The following TMEM176A variants were observed in gnomAD, a reference collection of about 807,000 sequenced individuals.
TMEM176A encodes the protein hepatocellular carcinoma-associated antigen 112.
TMEM176A carries 20 observed loss-of-function variants against 27.9 expected under a neutral mutation model. The ratio of observed to expected loss-of-function variants is 0.72; its 90% CI spans 0.50 to 1.04. The LOEUF is 1.04. Ranked by LOEUF, TMEM176A falls within the 50% of genes least tolerant of loss-of-function variation. The probability of loss-of-function intolerance (pLI) is 0.00; values close to 1 mark genes in which losing one functional copy is unlikely to be tolerated. For missense variants in TMEM176A, 252 were observed against 289.1 expected, an observed-to-expected ratio of 0.87 and a Z score of 0.93; for synonymous variants, 125 against 118.0, an observed-to-expected ratio of 1.06 and a Z score of -0.38.
At chr7:150,802,649 C>T (rs1798837780) in intron 3 of TMEM176A, 8 of 1,009,534 alleles carry the variant, frequency 7.9e-6, no homozygotes, top group South Asian at 3.2e-5. Context: ...GAAGGCAGAG[C>T]GTTCCAGATA....
In TMEM176A at chr7:150,801,659, T is replaced by G. The variant is rs1439420892; in HGVS notation, c.109T>G (p.Cys37Gly). The G allele has an allele frequency of 2.5e-6, 4 of 1,612,006 alleles. No individual in the cohort carries two copies. ...CCTGGCCAAGCTCCTGCTCACCTGC[T>G]GCTCTGCGCTGCGGCCCCGGGCCAC... ...SALAKLLLTC[C>G]SALRPRATQA... The change falls in exon 2 of 7, where the codon TGC becomes GGC. Residue 37 changes from cysteine to glycine, a missense_variant. Cys to Gly is a radical substitution (Grantham distance 159). Coordinates refer to ENST00000004103, the MANE Select transcript of TMEM176A (RefSeq NM_018487.3).
Position 150,801,732 on chromosome 7 carries a change from T to C in TMEM176A, c.174+8T>C. The C allele has an allele frequency of 1.3e-6, 2 of 1,507,558 alleles. No homozygotes were observed. Among genetic ancestry groups the C allele is most frequent in the African/African-American group, 1.4e-5 (1 of 70,994 alleles). 93.4% of individuals were successfully genotyped at this position (1,507,558 alleles called of 1,614,324 possible). ...CTGCTGGTGGCCTCGTGGGTGAGTG[T>C]GACGGCCTGCCTCGTCGGGCGGCGG... is the stretch of plus-strand genomic sequence containing the variant. On this transcript the variant is annotated splice_region_variant and intron_variant, in intron 2 of 6. Coordinates refer to ENST00000004103, the MANE Select transcript of TMEM176A (RefSeq NM_018487.3).
chr7:150,802,717 C>T (rs150468079), intron 3 of TMEM176A: 36 of 1,040,754 alleles, frequency 3.5e-5, no homozygotes, highest in Non-Finnish European at 3.9e-5. Context: ...CTCCACAGGC[C>T]CTGTACACAA....
chr7:150,801,472 A>G (rs997807637), intron 1 of TMEM176A, 64 bp from the exon 2 acceptor site: 1 of 1,516,820 alleles, frequency 6.6e-7, no homozygotes, highest in Admixed American at 2.1e-5. Context: ...GACCTCCCCA[A>G]CTCCAATGAA....
chr7:150,801,886 G>C (rs933077998), intron 2 of TMEM176A, 162 bp downstream of exon 2: 3 of 773,844 alleles, frequency 3.9e-6, no homozygotes, highest in Non-Finnish European at 6.0e-6. Context: ...GCCTGGGGAG[G>C]GGAGGCTCTG....
rs566475190 is a variant in TMEM176A at position 150,802,605 on chromosome 7, C to T, written c.285+280C>T. ...TTAATGTCAACTAAGGATCTAAGGA[C>T]CTGCTCATCTCCAGATACTTGCATT... On this transcript the variant is annotated intron_variant, in intron 3 of 6. Transcript: ENST00000004103. 42 of 863,504 alleles carry T rather than the reference C, an allele frequency of 4.9e-5. No homozygotes were observed. The African/African-American group carries it at 6.5e-4, about 13-fold the overall frequency. 53.5% of individuals were successfully genotyped at this position (863,504 alleles called of 1,614,324 possible).
chr7:150,801,989 G>A (rs1798809951), intron 2 of TMEM176A: 1 of 613,934 alleles, frequency 1.6e-6, no homozygotes, highest in African/African-American at 1.9e-5. Flanking sequence ...ACTCAGGATG[G>A]GCCGGCTCTC....
rs748644116 is a variant in TMEM176A at position 150,804,475 on chromosome 7, G to T, written c.666+3G>T. On this transcript the variant is annotated splice_donor_region_variant and intron_variant, in intron 6 of 6. Transcript: ENST00000004103. The stretch of plus-strand genomic sequence containing the variant: ...GGAGAATGTTCCCAACCAAAGGGGT[G>T]AGTCCCTAAGGTGTGTGCCTGTGTA... 28 of 1,609,602 alleles carry T rather than the reference G, an allele frequency of 1.7e-5. No homozygotes were observed. The highest frequency in any genetic ancestry group is 3.3e-5 in the Admixed American group (2 of 60,004).
In TMEM176A at chr7:150,801,335, G is replaced by A. The variant is rs1316344901; in HGVS notation, c.-15-201G>A. 1.6e-5 allele frequency: 8 copies of A among 491,232 alleles called. No individual in the cohort carries two copies. In the South Asian group the frequency reaches 3.3e-4, roughly 20 times the overall value. 30.4% of individuals were successfully genotyped at this position (491,232 alleles called of 1,614,324 possible). On this transcript the variant is annotated intron_variant, in intron 1 of 6. Coordinates refer to ENST00000004103, the MANE Select transcript of TMEM176A (RefSeq NM_018487.3). ...AGGGGAGGTTCCCGCAGGCTCTGTA[G>A]TCGCCGCAGTTCCAGCATGGTCAGC...
In TMEM176A at chr7:150,803,586, C is replaced by T. The variant is rs765841963; in HGVS notation, c.343-34C>T. The stretch of plus-strand genomic sequence containing the variant: ...GACTGGACTCTGAGAGAGACTGAAA[C>T]ACAAAGATTTCTCTCTGCCTCCTCC... On this transcript the variant is annotated intron_variant, in intron 4 of 6. Transcript: ENST00000004103. The T allele has an allele frequency of 1.9e-6, 3 of 1,610,170 alleles. No homozygotes were observed. In the South Asian group the frequency reaches 3.3e-5, roughly 18 times the overall value.
At chr7:150,801,249 T>TC (rs1157094944) in intron 1 of TMEM176A, 1 of 286,648 alleles carries the variant, frequency 3.5e-6, no homozygotes, top group Non-Finnish European at 6.4e-6. Flanking sequence ...GGGGCGCTGC[T>TC]TGACCCAGAC....
Position 150,803,837 on chromosome 7 carries a change from G to A in TMEM176A, c.555+5G>A, listed in dbSNP as rs750049143. 1.2e-6 allele frequency: 2 copies of A among 1,613,388 alleles called. No homozygotes were observed. Among genetic ancestry groups the A allele is most frequent in the East Asian group, 4.5e-5 (2 of 44,880 alleles). On this transcript the variant is annotated splice_donor_5th_base_variant and intron_variant, in intron 5 of 6. Coordinates refer to ENST00000004103, the MANE Select transcript of TMEM176A (RefSeq NM_018487.3). ...TCCTTCATGGACATGCTGAAGGTAGGTGGCCAAGGGGAAGGGGCAGCAGCA... is the reference window on the plus strand; with the variant it reads ...TCCTTCATGGACATGCTGAAGGTAGATGGCCAAGGGGAAGGGGCAGCAGCA...
chr7:150,803,570 C>G (rs1563051411), intron 4 of TMEM176A, 50 bp from the exon 5 acceptor site: 2 of 1,606,196 alleles, frequency 1.2e-6, no homozygotes, highest in Non-Finnish European at 1.7e-6. Flanking sequence ...CGACTGGACT[C>G]TGAGAGAGAC....
intron 2 of TMEM176A, 113 bp downstream of exon 2, chr7:150,801,837 C>G (rs1798804944): frequency 1.9e-6 from 2 of 1,078,118 alleles, no homozygotes; most frequent in Non-Finnish European, 2.6e-6. Context: ...GTTATGTCTT[C>G]TTACTTAGCG....
Position 150,803,388 on chromosome 7 carries a change from A to G in TMEM176A, c.286-12A>G, listed in dbSNP as rs770843113. On this transcript the variant is annotated splice_polypyrimidine_tract_variant and intron_variant, in intron 3 of 6. Coordinates refer to ENST00000004103, the MANE Select transcript of TMEM176A (RefSeq NM_018487.3). ...CTGTACTAAGCCTGCTCCTGGCTCAATCTCTCCCCAGGCTGTGCTGGCTGG... is the reference window on the plus strand; with the variant it reads ...CTGTACTAAGCCTGCTCCTGGCTCAGTCTCTCCCCAGGCTGTGCTGGCTGG... The G allele has an allele frequency of 1.3e-5, 20 of 1,560,292 alleles. 2 individuals are homozygous for G. The South Asian group carries it at 2.2e-4, about 17-fold the overall frequency.
chr7:150,801,410 C>T, intron 1 of TMEM176A, 126 bp from the exon 2 acceptor site: 1 of 940,718 alleles, frequency 1.1e-6, no homozygotes, highest in Non-Finnish European at 1.6e-6. Flanking sequence ...GGGTGCGGCC[C>T]TGTGACCAGG....
rs1798878107 is a variant in TMEM176A at position 150,804,403 on chromosome 7, GA to G, written c.598del (p.Ile200PhefsTer8). The G allele has an allele frequency of 1.2e-6, 2 of 1,614,214 alleles. No individual in the cohort carries two copies. Among genetic ancestry groups the G allele is most frequent in the African/African-American group, 1.3e-5 (1 of 75,054 alleles). On this transcript the variant is annotated frameshift_variant, in exon 6 of 7. Coordinates refer to ENST00000004103, the MANE Select transcript of TMEM176A (RefSeq NM_018487.3). LOFTEE classifies it high-confidence loss of function. Reference protein sequence around the residue: ...TLQAMLLGVWILLLLASLTPL... With the variant: ...TLQAMLLGVWXLLLLASLTPL... The stretch of plus-strand genomic sequence containing the variant: ...TTCAGGCCATGCTCTTGGGTGTCTG[GA>G]TTCTGCTGCTTCTGGCATCTCTGAC...
Position 150,801,693 on chromosome 7 carries a change from G to A in TMEM176A, c.143G>A (p.Arg48Lys). 1 of 1,574,056 alleles carries A rather than the reference G, an allele frequency of 6.4e-7. No individual in the cohort carries two copies. Among genetic ancestry groups the A allele is most frequent in the Non-Finnish European group, 8.6e-7 (1 of 1,168,090 alleles). ...SALRPRATQA[R>K]GSSRLLVASW... ...CTGCGGCCCCGGGCCACCCAGGCCA[G>A]GGGCAGCAGCCGGCTGCTGGTGGCC... Residue 48 changes from arginine (R) to lysine (K), a missense_variant, in exon 2 of 7, where the codon AGG (arginine) becomes AAG (lysine). Transcript: ENST00000004103.
intron 6 of TMEM176A, 49 bp downstream of exon 6, chr7:150,804,521 C>A: frequency 6.7e-7 from 1 of 1,496,954 alleles, no homozygotes; most frequent in Non-Finnish European, 9.3e-7. Flanking sequence ...TGGAACTGCT[C>A]AAAGGAGACA....
Sources: gnomAD v4.1 joint callset for allele counts on GRCh38, gnomAD v4.1.1 for gene constraint, MANE v1.5 for transcripts, NCBI Gene and HGNC (gene_info 2026-07-23, HGNC 2026-07-21) for gene names.